TBCK: variants seen among roughly 807,000 people sequenced by gnomAD.
TBCK encodes TBC domain-containing protein kinase-like protein.
Under a neutral mutation model 113.4 loss-of-function variants are expected in TBCK, and 99 were observed. The observed-to-expected ratio is 0.87, with a 90% CI of 0.74 to 1.03. The LOEUF is 1.03. TBCK is among the 50% of genes least tolerant of loss of function. The pLI, the probability that TBCK is intolerant of heterozygous loss-of-function variation, is 0.00. For missense variants in TBCK, 1,045 were observed against 1,061.3 expected, an observed-to-expected ratio of 0.98 and a Z score of 0.21; for synonymous variants, 369 against 370.8, an observed-to-expected ratio of 1.00 and a Z score of 0.05.
Position 106,244,656 on chromosome 4 carries a change from C to T in TBCK, c.1040G>A (p.Arg347Gln), listed in dbSNP as rs930916079. 4 of 1,611,064 alleles carry T rather than the reference C, an allele frequency of 2.5e-6. No individual in the cohort carries two copies. Among genetic ancestry groups the T allele is most frequent in the East Asian group, 2.2e-5 (1 of 44,730 alleles). Residue 347 changes from arginine (R) to glutamine (Q), a missense_variant, in exon 11 of 26, where the codon CGA becomes CAA. Transcript: ENST00000394708. ...GAGTGTGCAGATAGGTGGTTTGGAT[C>T]GAATGATTTCCTTGTTGACAAGCTC... Reference protein sequence around the residue: ...EKELVNKEIIRSKPPICTLPN... With the variant: ...EKELVNKEIIQSKPPICTLPN...
chr4:106,173,424 C>T (rs1177733041), intron 22 of TBCK, among the ~76,000 whole-genome samples: 1 of 152,076 alleles, frequency 6.6e-6, no homozygotes, highest in Non-Finnish European at 1.5e-5. Flanking sequence ...CTACTTAACA[C>T]AGTTTAGTTT....
At chr4:106,243,859 T>C (rs1760458524) in intron 11 of TBCK, among the ~76,000 whole-genome samples, 1 of 151,904 alleles carries the variant, frequency 6.6e-6, no homozygotes, top group East Asian at 1.9e-4. Flanking sequence ...CAGCTAATTT[T>C]TTTTCTTTGT....
intron 3 of TBCK, among the ~76,000 whole-genome samples, chr4:106,269,437 T>TA (rs986676111): frequency 2.6e-5 from 4 of 151,928 alleles, no homozygotes; most frequent in East Asian, 1.9e-4. Context: ...TGATGTTTTG[T>TA]AAAAAAATAC....
intron 3 of TBCK, among the ~76,000 whole-genome samples, chr4:106,270,038 A>G (rs1200395944): frequency 6.6e-6 from 1 of 152,156 alleles, no homozygotes; most frequent in East Asian, 1.9e-4. Flanking sequence ...ATGGAGATCA[A>G]TGAGCTATCG....
At chr4:106,207,558 T>C (rs1755671751) in intron 20 of TBCK, among the ~76,000 whole-genome samples, 1 of 152,186 alleles carries the variant, frequency 6.6e-6, no homozygotes, top group Admixed American at 6.5e-5. Context: ...AAAATACAAC[T>C]AAAATATGTT....
intron 25 of TBCK, among the ~76,000 whole-genome samples, chr4:106,069,464 G>A (rs978040533): frequency 2.6e-5 from 4 of 152,120 alleles, no homozygotes; most frequent in African/African-American, 9.7e-5. Context: ...TAGATGTGTG[G>A]TGTTATTTCT....
intron 3 of TBCK, among the ~76,000 whole-genome samples, chr4:106,274,063 G>T (rs992190138): frequency 6.6e-6 from 1 of 152,082 alleles, no homozygotes; most frequent in East Asian, 1.9e-4. Flanking sequence ...AAATTCCAAG[G>T]GTTTTTGAAG....
At chr4:106,107,775 A>G (rs970745333) in intron 24 of TBCK, among the ~76,000 whole-genome samples, 4 of 152,210 alleles carry the variant, frequency 2.6e-5, no homozygotes, top group Non-Finnish European at 5.9e-5. Flanking sequence ...CTGAGAAATA[A>G]TTACAAAAAT....
At position 106,233,628 on chromosome 4, in the gene TBCK, T is replaced by C. The variant is rs1759123219; in HGVS notation, c.1472A>G (p.Asp491Gly). ...GVEGAIHAKY[D>G]AIDKDTPIPT... is the part of the protein sequence containing the mutation. ...AATTGGAGTGTCTTTATCAATTGCA[T>C]CGTACTTGGCATGAATAGCTCCCTG... Residue 491 changes from aspartate to glycine, a missense_variant, in exon 16 of 26, where the codon GAT becomes GGT. Coordinates refer to ENST00000394708, the MANE Select transcript of TBCK (RefSeq NM_001163435.3). 1.2e-6 allele frequency: 2 copies of C among 1,610,840 alleles called. No individual in the cohort carries two copies. Among genetic ancestry groups the C allele is most frequent in the Middle Eastern group, 1.7e-4 (1 of 5,908 alleles).
rs1305196122 is a variant in TBCK, at chr4:106,042,731, C to T, written c.*3839G>A. ...GAAAGCACAGGAATCCAACAAAAAT[C>T]TGGCACCACTGTGTCCTCTAAAAGT... is the stretch of plus-strand genomic sequence containing the variant. On this transcript the variant is annotated 3_prime_UTR_variant, in exon 26 of 26. Transcript: ENST00000394708. 3.3e-5 allele frequency: 5 copies of T among 152,196 alleles called. No individual in the cohort carries two copies. The allele number at this position is 152,196 out of a possible 1,614,324, so 9.4% of individuals were successfully genotyped here.
intron 18 of TBCK, 33 bp downstream of exon 18, chr4:106,231,696 C>T (rs753182245): frequency 1.6e-5 from 25 of 1,572,364 alleles, no homozygotes; most frequent in East Asian, 9.0e-5. Flanking sequence ...GAATATTATG[C>T]GCAATGATTA....
intron 3 of TBCK, among the ~76,000 whole-genome samples, chr4:106,292,494 C>T (rs1285676637): frequency 2.7e-5 from 4 of 150,582 alleles, no homozygotes; most frequent in East Asian, 2.0e-4. Context: ...GGCATGAACC[C>T]GGGAGGAGGA....
intron 20 of TBCK, among the ~76,000 whole-genome samples, chr4:106,208,117 A>G (rs1257056538): frequency 6.6e-6 from 1 of 152,186 alleles, no homozygotes; most frequent in Non-Finnish European, 1.5e-5. Flanking sequence ...CCCATCCCAT[A>G]TGACTTAAAA....
At chr4:106,255,604 AAG>A (rs991848641) in intron 5 of TBCK, among the ~76,000 whole-genome samples, 5 of 152,172 alleles carry the variant, frequency 3.3e-5, no homozygotes, top group African/African-American at 7.2e-5. Flanking sequence ...CAGAGCCCCA[AAG>A]AGAGTGTCAC....
chr4:106,149,317 A>C (rs1748208947), intron 23 of TBCK, among the ~76,000 whole-genome samples: 1 of 152,208 alleles, frequency 6.6e-6, no homozygotes, highest in Non-Finnish European at 1.5e-5. Flanking sequence ...CAATTTGCCT[A>C]ACTGGTAGAA....
At chr4:106,211,806 T>C (rs1756168160) in intron 20 of TBCK, among the ~76,000 whole-genome samples, 1 of 152,020 alleles carries the variant, frequency 6.6e-6, no homozygotes, top group Non-Finnish European at 1.5e-5. Context: ...CCTTTCAACT[T>C]TTCCTATGTA....
chr4:106,249,724 G>A (rs981239219), intron 7 of TBCK, among the ~76,000 whole-genome samples: 4 of 152,026 alleles, frequency 2.6e-5, no homozygotes, highest in Admixed American at 1.3e-4. Context: ...ATCAATCTTT[G>A]TAATTAAATG....
intron 23 of TBCK, among the ~76,000 whole-genome samples, chr4:106,120,910 TCTC>T (rs1312983793): frequency 3.9e-5 from 6 of 152,114 alleles, no homozygotes; most frequent in African/African-American, 1.4e-4. Flanking sequence ...GCAGAGCTCC[TCTC>T]CTCCTCCAAA....
At chr4:106,067,263 C>T (rs1198356860) in intron 25 of TBCK, among the ~76,000 whole-genome samples, 1 of 152,088 alleles carries the variant, frequency 6.6e-6, no homozygotes, top group Admixed American at 6.6e-5. Context: ...TGCTTATTGG[C>T]CATTTGTATA....
Sources: allele counts gnomAD v4.1 joint callset (sites outside exome capture counted in the v4.1 genomes callset), GRCh38; gene constraint gnomAD v4.1.1; transcripts MANE v1.5; gene names NCBI Gene and HGNC (gene_info 2026-07-23, HGNC 2026-07-21).